SUMF1: variants seen among roughly 807,000 people sequenced by gnomAD.
SUMF1 encodes formylglycine-generating enzyme.
SUMF1 carries 48 observed loss-of-function variants against 47.6 expected under a neutral mutation model. The ratio of observed to expected loss-of-function variants is 1.01; its 90% confidence interval spans 0.80 to 1.28. The LOEUF (loss-of-function observed/expected upper bound fraction) is 1.28. Among genes scored for constraint, SUMF1 ranks in the 50% most tolerant of loss-of-function variants. The pLI is 0.00. For synonymous variants in SUMF1, 230 were observed against 192.1 expected (o/e 1.20, Z -1.63); for missense variants, 571 against 485.4 (o/e 1.18, Z -1.66).
intron 8 of SUMF1, among the ~76,000 whole-genome samples, chr3:4,101,122 C>G (rs1693021752): frequency 6.6e-6 from 1 of 151,956 alleles, no homozygotes. Context: ...ACCATATGAT[C>G]AAGCAATCTC....
chr3:4,040,757 G>A (rs137934482), intron 9 of SUMF1, among the ~76,000 whole-genome samples: 57 of 152,242 alleles, frequency 3.7e-4, no homozygotes, highest in African/African-American at 1.3e-3. Flanking sequence ...TGTTGATGCC[G>A]AAATGGGCTA....
At chr3:4,058,380 C>T (rs777455024) in intron 9 of SUMF1, among the ~76,000 whole-genome samples, 1 of 152,044 alleles carries the variant, frequency 6.6e-6, no homozygotes, top group Non-Finnish European at 1.5e-5. Context: ...AAATGGCCTT[C>T]GAATGCAGTA....
chr3:4,344,992 G>T (rs1699346769), intron 8 of SUMF1, among the ~76,000 whole-genome samples: 1 of 151,958 alleles, frequency 6.6e-6, no homozygotes, highest in African/African-American at 2.4e-5. Flanking sequence ...GAAAAAAAGA[G>T]TGAAAAGGAA....
chr3:4,146,104 C>T (rs946083939), intron 8 of SUMF1, among the ~76,000 whole-genome samples: 2 of 152,050 alleles, frequency 1.3e-5, no homozygotes, highest in East Asian at 1.9e-4. Flanking sequence ...TGCCCAAAAC[C>T]GCCAGCAAAG....
chr3:4,218,013 C>T (rs968841573), intron 8 of SUMF1, among the ~76,000 whole-genome samples: 1 of 151,884 alleles, frequency 6.6e-6, no homozygotes, highest in African/African-American at 2.4e-5. Flanking sequence ...TCGCTTAATT[C>T]GACATAGTGG....
intron 3 of SUMF1, among the ~76,000 whole-genome samples, chr3:4,422,374 AAAAAAT>A (rs1701926437): frequency 6.6e-6 from 1 of 152,196 alleles, no homozygotes; most frequent in African/African-American, 2.4e-5. Flanking sequence ...TTCTTAAATT[AAAAAAT>A]AAAAATAAAA....
intron 8 of SUMF1, among the ~76,000 whole-genome samples, chr3:4,343,912 A>T (rs968938387): frequency 1.3e-5 from 2 of 152,382 alleles, no homozygotes; most frequent in Admixed American, 6.5e-5. Context: ...TCACATATTC[A>T]TCAGTAGGGA....
intron 8 of SUMF1, among the ~76,000 whole-genome samples, chr3:4,079,820 C>T (rs1377151135): frequency 6.6e-6 from 1 of 151,126 alleles, no homozygotes; most frequent in Non-Finnish European, 1.5e-5. Context: ...TGATCTAGTC[C>T]TATCTTTTAA....
intron 8 of SUMF1, among the ~76,000 whole-genome samples, chr3:4,149,422 T>C (rs9873328): frequency 3.9e-4 from 60 of 152,226 alleles, no homozygotes; most frequent in African/African-American, 1.4e-3. Flanking sequence ...CCAGTATACC[T>C]AGCCCAGCCC....
intron 8 of SUMF1, among the ~76,000 whole-genome samples, chr3:4,191,373 C>T (rs1427447435): frequency 1.3e-5 from 2 of 152,090 alleles, no homozygotes; most frequent in East Asian, 3.9e-4. Context: ...GAAATTTAGG[C>T]AAAGTCTAGC....
At chr3:4,106,161 C>T (rs1349346310) in intron 8 of SUMF1, among the ~76,000 whole-genome samples, 1 of 151,990 alleles carries the variant, frequency 6.6e-6, no homozygotes, top group East Asian at 1.9e-4. Context: ...GTTCCCGTGG[C>T]ATTGCTGGGC....
Position 4,397,151 on chromosome 3 carries a change from C to A in SUMF1, c.954+13714G>T, listed in dbSNP as rs146386917. ...TATGCAACACAAAGGAACATGCCTG[C>A]TCTATCCAATTTCAGATGGATTAGA... is the stretch of plus-strand genomic sequence containing the variant. On this transcript the variant is annotated intron_variant, in intron 7 of 8. Coordinates refer to ENST00000272902, the MANE Select transcript of SUMF1 (RefSeq NM_182760.4). 2.2e-3 allele frequency among the ~76,000 whole-genome samples: 328 copies of A among 152,326 alleles called. 1 individual carries two copies. Among genetic ancestry groups the A allele is most frequent in the Non-Finnish European group, 3.8e-3 (256 of 68,030 alleles).
intron 8 of SUMF1, among the ~76,000 whole-genome samples, chr3:4,315,304 A>G (rs1317830761): frequency 6.6e-6 from 1 of 152,200 alleles, no homozygotes; most frequent in African/African-American, 2.4e-5. Flanking sequence ...TTCAGACGCA[A>G]TATGGAAGTG....
chr3:4,384,258 T>A (rs1314145838), intron 7 of SUMF1, among the ~76,000 whole-genome samples: 1 of 152,218 alleles, frequency 6.6e-6, no homozygotes, highest in African/African-American at 2.4e-5. Context: ...TTTTAAAATA[T>A]TAAACCTTTA....
At chr3:4,463,306 G>A (rs1042381300) in intron 1 of SUMF1, among the ~76,000 whole-genome samples, 2 of 152,112 alleles carry the variant, frequency 1.3e-5, no homozygotes, top group Admixed American at 6.5e-5. Context: ...CCTGGCCAAC[G>A]TGGTAAAACC....
In SUMF1 at chr3:4,191,853, A is replaced by G. The variant is rs111509847; in HGVS notation, c.1015-123108T>C. 1.4e-3 allele frequency among the ~76,000 whole-genome samples: 209 copies of G among 152,266 alleles called. 5 individuals carry two copies. Among genetic ancestry groups the G allele is most frequent in the Admixed American group, 6.2e-3 (94 of 15,282 alleles). On this transcript the variant is annotated intron_variant and NMD_transcript_variant, in intron 8 of 12. Coordinates refer to the SUMF1 transcript ENST00000448413. ...TGTCTATTCAACAAGGTGAAAAAGA[A>G]TTACAATACAGTGTGATAATTACTG...
chr3:4,265,715 T>C (rs142540521), intron 8 of SUMF1, among the ~76,000 whole-genome samples: 3,282 of 152,294 alleles, frequency 0.022, 58 homozygotes, highest in Non-Finnish European at 0.027. Flanking sequence ...TTTTGCTGTG[T>C]AGAAGCTCTT....
chr3:4,350,439 T>C (rs1310583628), intron 8 of SUMF1, among the ~76,000 whole-genome samples: 1 of 152,046 alleles, frequency 6.6e-6, no homozygotes, highest in Non-Finnish European at 1.5e-5. Flanking sequence ...GTATAAATGT[T>C]TGTAAATACG....
At chr3:4,125,814 C>T (rs1032070489) in intron 8 of SUMF1, among the ~76,000 whole-genome samples, 5 of 152,116 alleles carry the variant, frequency 3.3e-5, no homozygotes, top group African/African-American at 1.2e-4. Flanking sequence ...GTAGCAGGGA[C>T]TACAGGTGTG....
Sources: gnomAD v4.1 joint callset for allele counts (sites outside exome capture counted in the v4.1 genomes callset) on GRCh38, gnomAD v4.1.1 for gene constraint, MANE v1.5 for transcripts, NCBI Gene and HGNC (gene_info 2026-07-23, HGNC 2026-07-21) for gene names.